The following NUDT12 variants were observed in gnomAD, a reference collection of about 807,000 sequenced individuals.
NUDT12 encodes the protein nudix hydrolase 12, also known as NAD-capped RNA hydrolase NUDT12.
A neutral mutation model predicts 45.7 loss-of-function variants in NUDT12; 42 were observed. The observed-to-expected ratio is 0.92, with a 90% CI of 0.72 to 1.19. NUDT12 has a LOEUF of 1.19. Ranked by LOEUF, NUDT12 falls within the 50% of genes most tolerant of loss-of-function variation. NUDT12 has a pLI of 0.00. For synonymous variants in NUDT12, 206 were observed against 179.7 expected (o/e 1.15, Z -1.17); for missense variants, 590 against 533.1 (o/e 1.11, Z -1.05).
Position 103,554,839 on chromosome 5 carries a change from T to G in NUDT12, c.979A>C (p.Met327Leu), listed in dbSNP as rs745480555. ...SYPRVDPVVI[M>L]QVIHPDGTKC... ...GTCCCATCTGGATGAATAACTTGCATGATTACTACTGGATCTGTTGAAAAA... is the reference window on the plus strand; with the variant it reads ...GTCCCATCTGGATGAATAACTTGCAGGATTACTACTGGATCTGTTGAAAAA... Residue 327 changes from methionine to leucine, a missense_variant, in exon 5 of 7, where the codon ATG becomes CTG. Met to Leu is a conservative substitution (Grantham distance 15). Coordinates refer to ENST00000230792, the MANE Select transcript of NUDT12 (RefSeq NM_031438.4). The G allele has an allele frequency of 6.7e-7, 1 of 1,502,344 alleles. No individual in the cohort carries two copies. Among genetic ancestry groups the G allele is most frequent in the South Asian group, 1.3e-5 (1 of 78,966 alleles). The allele number at this position is 1,502,344 out of a possible 1,614,324, so 93.1% of individuals were successfully genotyped here.
In NUDT12 at chr5:103,557,047, T is replaced by TA. The variant is rs1052878948; in HGVS notation, c.797-950dup. ...GAAAAGCTAACATTTATTGAGTACTTACAATGTGCCAAGCACCATGCAAGG... is the reference window on the plus strand; with the variant it reads ...GAAAAGCTAACATTTATTGAGTACTTAACAATGTGCCAAGCACCATGCAAGG... On this transcript the variant is annotated intron_variant, in intron 3 of 6. Coordinates refer to ENST00000230792, the MANE Select transcript of NUDT12 (RefSeq NM_031438.4). 3.5e-4 allele frequency among the ~76,000 whole-genome samples: 53 copies of TA among 151,856 alleles called. 1 individual carries two copies. Among genetic ancestry groups the TA allele is most frequent in the Admixed American group, 2.9e-3 (44 of 15,232 alleles).
chr5:103,561,596 A>G (rs1259214475), intron 1 of NUDT12, among the ~76,000 whole-genome samples: 1 of 152,240 alleles, frequency 6.6e-6, no homozygotes, highest in African/African-American at 2.4e-5. Flanking sequence ...TACATACGTT[A>G]AAAATACTAT....
At chr5:103,552,457 G>A (rs1469860639) in intron 5 of NUDT12, 41 bp from the exon 6 acceptor site, 4 of 1,485,088 alleles carry the variant, frequency 2.7e-6, no homozygotes, top group Admixed American at 3.4e-5. Flanking sequence ...TGATGAACAT[G>A]CCCGGGACAC....
intron 3 of NUDT12, among the ~76,000 whole-genome samples, chr5:103,556,655 C>G (rs1748830986): frequency 6.6e-6 from 1 of 152,046 alleles, no homozygotes; most frequent in African/African-American, 2.4e-5. Flanking sequence ...TCATGGTTAA[C>G]TTTGTTTACC....
chr5:103,561,061 T>C (rs1216144032), intron 1 of NUDT12, among the ~76,000 whole-genome samples: 2 of 102,750 alleles, frequency 1.9e-5, no homozygotes, highest in African/African-American at 3.2e-5. Flanking sequence ...TTTTTTTGTC[T>C]TTTTTTTTTT....
intron 5 of NUDT12, among the ~76,000 whole-genome samples, chr5:103,552,733 A>G (rs1281716777): frequency 1.3e-5 from 2 of 152,188 alleles, no homozygotes; most frequent in East Asian, 3.8e-4. Flanking sequence ...CAAACACTTT[A>G]TATCTTATCT....
At position 103,559,189 on chromosome 5, in the gene NUDT12, T is replaced by C; in HGVS notation, c.486A>G (p.Leu162=). ...GTTGGAAACTTTCTTTATTGCCACC[T>C]AGAGTAACCAAGGGATTTAAATCTG... ...LFSDLNPLVT[L]GGNKESFQQP... The change falls in exon 3 of 7, where the codon CTA becomes CTG. Residue 162 remains leucine, a synonymous_variant. Coordinates refer to ENST00000230792, the MANE Select transcript of NUDT12 (RefSeq NM_031438.4). The C allele has an allele frequency of 6.4e-7, 1 of 1,559,518 alleles. No homozygotes were observed. The highest frequency in any genetic ancestry group is 8.6e-7 in the Non-Finnish European group (1 of 1,156,674).
intron 3 of NUDT12, 100 bp downstream of exon 3, chr5:103,558,779 T>C: frequency 1.3e-6 from 1 of 743,298 alleles, no homozygotes; most frequent in Non-Finnish European, 2.2e-6. Flanking sequence ...TTTCACTGCT[T>C]ACTGGAAAAA....
At chr5:103,561,573 A>C (rs769087745) in intron 1 of NUDT12, among the ~76,000 whole-genome samples, 1 of 152,202 alleles carries the variant, frequency 6.6e-6, no homozygotes, top group Non-Finnish European at 1.5e-5. Context: ...TGTTCCTTTC[A>C]TATTGAAATT....
chr5:103,559,508 AG>A (rs11312358), intron 2 of NUDT12, 40 bp from the exon 3 acceptor site: 134,007 of 1,064,318 alleles, frequency 0.13, 9,627 homozygotes, highest in Middle Eastern at 0.19. Flanking sequence ...AAAGTAAAAT[AG>A]GAAGTAAACA....
At position 103,560,036 on chromosome 5, in the gene NUDT12, T is replaced by G. The variant is rs372116378; in HGVS notation, c.206+7A>C. ...CCCTTTCAGGTGGTACAGCCTAAAATGTTTACCCTTTCTCAAGCAGAAATT... is the reference window on the plus strand; with the variant it reads ...CCCTTTCAGGTGGTACAGCCTAAAAGGTTTACCCTTTCTCAAGCAGAAATT... On this transcript the variant is annotated splice_region_variant and intron_variant, in intron 2 of 6. Transcript: ENST00000230792. The G allele has an allele frequency of 1.9e-6, 3 of 1,600,212 alleles. No homozygotes were observed. The highest frequency in any genetic ancestry group is 3.3e-5 in the Admixed American group (2 of 59,972).
intron 1 of NUDT12, 100 bp from the exon 2 acceptor site, chr5:103,560,354 C>G (rs1237612694): frequency 1.4e-6 from 1 of 707,582 alleles, no homozygotes; most frequent in Middle Eastern, 3.9e-4. Context: ...CAATGGTTTC[C>G]AAGGCAACAT....
intron 1 of NUDT12, among the ~76,000 whole-genome samples, chr5:103,561,508 GAAGT>G: frequency 6.6e-6 from 1 of 152,248 alleles, no homozygotes; most frequent in Non-Finnish European, 1.5e-5. Flanking sequence ...TAAATTACCA[GAAGT>G]AATATCTACA....
At chr5:103,555,022 A>G (rs1748770522) in intron 4 of NUDT12, among the ~76,000 whole-genome samples, 169 bp from the exon 5 acceptor site, 1 of 152,058 alleles carries the variant, frequency 6.6e-6, no homozygotes, top group Admixed American at 6.6e-5. Flanking sequence ...TGATAATAGA[A>G]TATCTCAGGG....
chr5:103,557,439 G>A (rs760098787), intron 3 of NUDT12, among the ~76,000 whole-genome samples: 1 of 151,584 alleles, frequency 6.6e-6, no homozygotes, highest in African/African-American at 2.4e-5. Context: ...CCTAAGGGAA[G>A]GTGGTCACTG....
At chr5:103,560,455 C>T (rs1253493299) in intron 1 of NUDT12, among the ~76,000 whole-genome samples, 3 of 151,938 alleles carry the variant, frequency 2.0e-5, no homozygotes, top group Non-Finnish European at 2.9e-5. Flanking sequence ...ATTTATATGC[C>T]CATGGGAGTT....
chr5:103,562,209 G>T (rs1749053881), intron 1 of NUDT12, among the ~76,000 whole-genome samples: 1 of 152,034 alleles, frequency 6.6e-6, no homozygotes, highest in South Asian at 2.1e-4. Flanking sequence ...GTAACCCGGG[G>T]CCCATGACTT....
chr5:103,554,739 C>A lies in NUDT12; in HGVS notation c.1078+1G>T. The A allele has an allele frequency of 7.6e-7, 1 of 1,321,016 alleles. No homozygotes were observed. Among genetic ancestry groups the A allele is most frequent in the Non-Finnish European group, 1.0e-6 (1 of 977,266 alleles). The allele number at this position is 1,321,016 out of a possible 1,614,324, so 81.8% of individuals were successfully genotyped here. ...ATATAAATTATTAAGAAATGGCTTA[C>A]CAGGCTCAATAAATCCAGCAAGGCA... On this transcript the variant is annotated splice_donor_variant, in intron 5 of 6. Transcript: ENST00000230792. LOFTEE classifies it high-confidence loss of function.
Position 103,559,062 on chromosome 5 carries a change from T to C in NUDT12, c.613A>G (p.Ile205Val). ...GCATAATTAAGTAGTTTGTCTTTTATTTCAAGTTCTACTCCAAGAAAAATC... is the reference window on the plus strand; with the variant it reads ...GCATAATTAAGTAGTTTGTCTTTTACTTCAAGTTCTACTCCAAGAAAAATC... ...TLIFLGVELE[I>V]KDKLLNYAGE... The change falls in exon 3 of 7, where the codon ATA (isoleucine) becomes GTA (valine). Residue 205 changes from isoleucine to valine, a missense_variant. Coordinates refer to ENST00000230792, the MANE Select transcript of NUDT12 (RefSeq NM_031438.4). The C allele has an allele frequency of 6.2e-7, 1 of 1,613,552 alleles. No homozygotes were observed.
Sources: gnomAD v4.1 joint callset for allele counts (sites outside exome capture counted in the v4.1 genomes callset) on GRCh38, gnomAD v4.1.1 for gene constraint, MANE v1.5 for transcripts, NCBI Gene and HGNC (gene_info 2026-07-23, HGNC 2026-07-21) for gene names.